The following MDGA2 variants were observed in gnomAD, a reference collection of about 807,000 sequenced individuals.
MDGA2 encodes MAM domain containing glycosylphosphatidylinositol anchor 2.
Under a neutral mutation model 117.8 loss-of-function variants are expected in MDGA2, and 40 were observed. The ratio of observed to expected loss-of-function variants is 0.34; its 90% confidence interval spans 0.26 to 0.44. The LOEUF is 0.44. Among genes scored for constraint, MDGA2 ranks in the 20% least tolerant of loss-of-function variants. MDGA2 has a pLI of 1.00. For synonymous variants in MDGA2, 452 were observed against 439.0 expected, an observed-to-expected ratio of 1.03 and a Z score of -0.37; for missense variants, 1,123 against 1,250.6, an observed-to-expected ratio of 0.90 and a Z score of 1.54.
chr14:47,550,629 G>A (rs1279460633), intron 1 of MDGA2, among the ~76,000 whole-genome samples: 2 of 147,362 alleles, frequency 1.4e-5, no homozygotes, highest in African/African-American at 5.0e-5. Context: ...TTCATTCACT[G>A]TTTTTTTTTT....
At chr14:46,896,561 C>A (rs1883086158) in intron 10 of MDGA2, among the ~76,000 whole-genome samples, 1 of 151,788 alleles carries the variant, frequency 6.6e-6, no homozygotes, top group Admixed American at 6.6e-5. Context: ...TATTTATAAT[C>A]CCAATTTTAA....
intron 1 of MDGA2, among the ~76,000 whole-genome samples, chr14:47,337,554 TTTAAA>T (rs1890498093): frequency 6.6e-6 from 1 of 152,026 alleles, no homozygotes; most frequent in Non-Finnish European, 1.5e-5. Flanking sequence ...GGAGAGGCAC[TTTAAA>T]ATTTCTCAGA....
intron 4 of MDGA2, among the ~76,000 whole-genome samples, chr14:47,143,130 CGT>C (rs1393828131): frequency 6.6e-6 from 1 of 151,948 alleles, no homozygotes; most frequent in African/African-American, 2.4e-5. Context: ...ATTACAGGCA[CGT>C]GCCACCATGC....
chr14:47,073,512 A>C (rs986000658), intron 6 of MDGA2, among the ~76,000 whole-genome samples: 10 of 152,284 alleles, frequency 6.6e-5, no homozygotes, highest in African/African-American at 2.4e-4. Context: ...TTTATTCCGT[A>C]TTTCTGAGCA....
chr14:47,080,747 C>G (rs572104606), intron 6 of MDGA2, among the ~76,000 whole-genome samples: 5 of 152,110 alleles, frequency 3.3e-5, no homozygotes, highest in Admixed American at 3.3e-4. Flanking sequence ...TCATAATGAT[C>G]CATTCTTTGT....
chr14:47,188,584 T>A (rs1482864204), intron 3 of MDGA2, among the ~76,000 whole-genome samples: 2 of 152,162 alleles, frequency 1.3e-5, no homozygotes, highest in African/African-American at 4.8e-5. Flanking sequence ...GCACATAAGC[T>A]GTGAGATAAT....
At chr14:46,946,271 A>G (rs1322788401) in intron 9 of MDGA2, among the ~76,000 whole-genome samples, 2 of 152,056 alleles carry the variant, frequency 1.3e-5, no homozygotes. Flanking sequence ...GTAGGCAGTG[A>G]GCTCAATATG....
intron 1 of MDGA2, among the ~76,000 whole-genome samples, chr14:47,540,493 T>C: frequency 6.9e-6 from 1 of 145,666 alleles, no homozygotes; most frequent in Admixed American, 7.0e-5. Context: ...TGTGTATACG[T>C]GTGTGTGTTT....
intron 1 of MDGA2, among the ~76,000 whole-genome samples, chr14:47,575,733 T>C (rs1896104411): frequency 6.6e-6 from 1 of 152,208 alleles, no homozygotes; most frequent in Admixed American, 6.6e-5. Context: ...GATCAGCTAC[T>C]GTAAGGATTT....
intron 1 of MDGA2, among the ~76,000 whole-genome samples, chr14:47,590,455 A>T (rs1376683958): frequency 6.6e-6 from 1 of 151,894 alleles, no homozygotes; most frequent in African/African-American, 2.4e-5. Context: ...ACATTTAGAA[A>T]GAAAATACAG....
chr14:47,242,988 A>T (rs1887110581), intron 2 of MDGA2, among the ~76,000 whole-genome samples: 1 of 151,720 alleles, frequency 6.6e-6, no homozygotes. Context: ...TGTTTAGCTC[A>T]AGGTTTGTGA....
intron 5 of MDGA2, among the ~76,000 whole-genome samples, chr14:47,104,558 C>T (rs1880533702): frequency 6.7e-6 from 1 of 150,132 alleles, no homozygotes; most frequent in African/African-American, 2.5e-5. Context: ...AACGGCCCCA[C>T]CCTTATCTCC....
intron 1 of MDGA2, among the ~76,000 whole-genome samples, chr14:47,364,421 C>G (rs981216426): frequency 6.6e-6 from 1 of 152,124 alleles, no homozygotes; most frequent in Non-Finnish European, 1.5e-5. Flanking sequence ...CCCAACACCA[C>G]GCCCAGCTAA....
intron 7 of MDGA2, among the ~76,000 whole-genome samples, chr14:47,051,239 A>G (rs1424241538): frequency 7.9e-6 from 1 of 127,288 alleles, no homozygotes; most frequent in Non-Finnish European, 1.8e-5. Context: ...AATGAAAGGC[A>G]TTAGGTCATC....
intron 1 of MDGA2, among the ~76,000 whole-genome samples, chr14:47,617,236 C>T (rs1896962876): frequency 1.3e-5 from 2 of 150,710 alleles, no homozygotes; most frequent in East Asian, 2.0e-4. Context: ...GACGGAGGCT[C>T]GCTCTGTCGC....
At chr14:47,466,612 C>T (rs890791006) in intron 1 of MDGA2, among the ~76,000 whole-genome samples, 9 of 152,084 alleles carry the variant, frequency 5.9e-5, no homozygotes, top group Non-Finnish European at 1.2e-4. Flanking sequence ...CTTGATGCCG[C>T]CTTTCAACTC....
intron 1 of MDGA2, among the ~76,000 whole-genome samples, chr14:47,617,583 C>T (rs968286065): frequency 1.3e-5 from 2 of 152,156 alleles, no homozygotes; most frequent in Non-Finnish European, 2.9e-5. Context: ...ACAATTTCTG[C>T]ACTAAACCTA....
At position 46,983,440 on chromosome 14, in the gene MDGA2, CT is replaced by C. The variant is rs548609107; in HGVS notation, c.1820-25798del. 2.0e-3 allele frequency among the ~76,000 whole-genome samples: 308 copies of C among 152,072 alleles called. 2 individuals carry two copies. Among genetic ancestry groups the C allele is most frequent in the African/African-American group, 7.2e-3 (297 of 41,506 alleles). Reference sequence around the variant, plus strand: ...TGAAATTAACAGAATCTTCAATTGGCTTTTCTCTGTCAACCGAAATATTCTA... The same window carrying C: ...TGAAATTAACAGAATCTTCAATTGGCTTTCTCTGTCAACCGAAATATTCTA... On this transcript the variant is annotated intron_variant, in intron 8 of 16. Transcript: ENST00000399232.
At chr14:47,530,467 C>T (rs1162563195) in intron 1 of MDGA2, among the ~76,000 whole-genome samples, 1 of 152,126 alleles carries the variant, frequency 6.6e-6, no homozygotes, top group Non-Finnish European at 1.5e-5. Flanking sequence ...ATTGTAAATT[C>T]TTATCTCTGT....
Sources: gnomAD v4.1 joint callset for allele counts (sites outside exome capture counted in the v4.1 genomes callset) on GRCh38, gnomAD v4.1.1 for gene constraint, MANE v1.5 for transcripts, NCBI Gene and HGNC (gene_info 2026-07-23, HGNC 2026-07-21) for gene names.